The following RANGAP1 variants were observed in gnomAD, a reference collection of about 807,000 sequenced individuals.
RANGAP1 encodes Ran GTPase activating protein 1, also known as ran GTPase-activating protein 1.
RANGAP1 carries 38 observed loss-of-function variants against 63.5 expected under a neutral mutation model. The observed-to-expected ratio is 0.60, with a 90% confidence interval of 0.46 to 0.78. The LOEUF (loss-of-function observed/expected upper bound fraction) is 0.78. Ranked by LOEUF, RANGAP1 falls within the 30% of genes least tolerant of loss-of-function variation. RANGAP1 has a pLI of 0.00. For synonymous variants in RANGAP1, 329 were observed against 310.5 expected, an observed-to-expected ratio of 1.06 and a Z score of -0.63; for missense variants, 630 against 740.3, an observed-to-expected ratio of 0.85 and a Z score of 1.73.
upstream of RANGAP1, among the ~76,000 whole-genome samples, chr22:41,288,372 C>T (rs1254625750): frequency 4.6e-5 from 7 of 152,306 alleles, no homozygotes; most frequent in African/African-American, 1.4e-4. Context: ...CCAGAGCAGA[C>T]GCTGTATCCA....
chr22:41,300,681 G>C, the RANGAP1 span, among the ~76,000 whole-genome samples: 1 of 151,032 alleles, frequency 6.6e-6, no homozygotes, highest in Non-Finnish European at 1.5e-5. Flanking sequence ...ACGTTGGCTA[G>C]TCTGGTCTTG....
At position 41,257,659 on chromosome 22, in the gene RANGAP1, T is replaced by C. The variant is rs1456421612; in HGVS notation, c.774+289A>G. Among the ~76,000 whole-genome samples, 2 of 152,258 alleles carry C rather than the reference T, an allele frequency of 1.3e-5. No homozygotes were observed. The highest frequency in any genetic ancestry group is 2.4e-5 in the African/African-American group (1 of 41,472). On this transcript the variant is annotated intron_variant, in intron 7 of 15. Coordinates refer to ENST00000356244, the MANE Select transcript of RANGAP1 (RefSeq NM_002883.4). The surrounding 1 kb of genome is among the most constrained non-coding windows in gnomAD (Gnocchi z 4.0). ...AGGAAAACAGATGTGGGGAGCAGTC[T>C]GCTCCTGTGCAGCCTGAGAACAAAC... is the stretch of plus-strand genomic sequence containing the variant.
intron 1 of RANGAP1, chr22:41,285,393 C>T: frequency 6.3e-6 from 4 of 635,516 alleles, no homozygotes; most frequent in Non-Finnish European, 7.8e-6. Context: ...AGCACAGAAA[C>T]GTAAATTGAT....
upstream of RANGAP1, among the ~76,000 whole-genome samples, chr22:41,289,445 A>G (rs1054423438): frequency 3.3e-5 from 5 of 151,586 alleles, no homozygotes; most frequent in African/African-American, 4.8e-5. Context: ...AACATGGTGA[A>G]ACCCTGTCTC....
chr22:41,261,472 C>A lies in RANGAP1; in HGVS notation c.589G>T (p.Ala197Ser), dbSNP rs760500092. 1.2e-6 allele frequency: 2 copies of A among 1,614,256 alleles called. No homozygotes were observed. The highest frequency in any genetic ancestry group is 1.1e-5 in the South Asian group (1 of 91,086). The part of the protein sequence containing the change: ...AGRNRLENDG[A>S]TALAEAFRVI... ...CTAAAAGCTTCTGCCAAGGCAGTGG[C>A]GCCATCATTCTCCAGACGGTTTCTG... is the stretch of plus-strand genomic sequence containing the variant. The change falls in exon 6 of 16, where the codon GCC becomes TCC. Residue 197 changes from alanine to serine, a missense_variant. Ala to Ser is a moderately conservative substitution (Grantham distance 99). Coordinates refer to ENST00000356244, the MANE Select transcript of RANGAP1 (RefSeq NM_002883.4).
intron 6 of RANGAP1, among the ~76,000 whole-genome samples, chr22:41,258,981 T>C (rs974833514): frequency 6.6e-6 from 1 of 152,108 alleles, no homozygotes; most frequent in Non-Finnish European, 1.5e-5. Flanking sequence ...ACAGGCTAAC[T>C]CATATGAGTT....
the RANGAP1 span, among the ~76,000 whole-genome samples, chr22:41,295,091 C>T: frequency 1.3e-3 from 189 of 146,216 alleles, 1 homozygote; most frequent in African/African-American, 4.8e-3. Context: ...GTCAGCCCCC[C>T]GCCCGGCCAG....
intron 6 of RANGAP1, among the ~76,000 whole-genome samples, chr22:41,258,861 G>T (rs779384699): frequency 1.3e-5 from 2 of 152,094 alleles, no homozygotes; most frequent in Non-Finnish European, 2.9e-5. Context: ...CACCATGTTG[G>T]CCAGGCTGGT....
In RANGAP1 at chr22:41,256,797, C is replaced by G. The variant is rs1347843784; in HGVS notation, c.802G>C (p.Val268Leu). 3.1e-6 allele frequency: 5 copies of G among 1,614,046 alleles called. No homozygotes were observed. The highest frequency in any genetic ancestry group is 4.2e-6 in the Non-Finnish European group (5 of 1,180,004). Residue 268 changes from valine to leucine, a missense_variant, in exon 8 of 16, where the codon GTG becomes CTG. Physicochemically the swap from Val to Leu is conservative, Grantham distance 32. Coordinates refer to ENST00000356244, the MANE Select transcript of RANGAP1 (RefSeq NM_002883.4). Reference protein sequence around the residue: ...ETLKTLRQVEVINFGDCLVRS... With the variant: ...ETLKTLRQVELINFGDCLVRS... The stretch of plus-strand genomic sequence containing the variant: ...ACCAGGCAGTCCCCAAAATTAATCA[C>G]CTCCACCTGCCGCAAGGTCTTCAAG...
chr22:41,250,870 A>G (rs572794571), intron 13 of RANGAP1, 137 bp downstream of exon 13: 6 of 666,222 alleles, frequency 9.0e-6, no homozygotes, highest in African/African-American at 9.0e-5. Flanking sequence ...ACCCTGACGG[A>G]GGAAAAACTC....
chr22:41,274,730 G>A lies in RANGAP1; in HGVS notation c.113-3C>T, dbSNP rs2035037449. 1 of 1,613,738 alleles carries A rather than the reference G, an allele frequency of 6.2e-7. No individual in the cohort carries two copies. Among genetic ancestry groups the A allele is most frequent in the African/African-American group, 1.3e-5 (1 of 74,900 alleles). On this transcript the variant is annotated splice_region_variant and splice_polypyrimidine_tract_variant and intron_variant, in intron 2 of 15. Transcript: ENST00000356244. ...AATCTCTTTAATCACATCTTTAGCTGCCAGGGACCAAAGAGCAGAACCTTA... is the reference window on the plus strand; with the variant it reads ...AATCTCTTTAATCACATCTTTAGCTACCAGGGACCAAAGAGCAGAACCTTA...
Position 41,264,766 on chromosome 22 carries a change from G to T in RANGAP1, c.378C>A (p.Pro126=). 2 of 1,614,088 alleles carry T rather than the reference G, an allele frequency of 1.2e-6. No individual in the cohort carries two copies. Among genetic ancestry groups the T allele is most frequent in the Non-Finnish European group, 8.5e-7 (1 of 1,179,934 alleles). ...GGGCCTCGAAGCCTTGCACACCGTC[G>T]GGCCCGAATGCGTTGTCGCTTAAGT... The part of the protein sequence containing the change: ...ELDLSDNAFG[P]DGVQGFEALL... The change falls in exon 5 of 16, where the codon CCC becomes CCA. Residue 126 remains proline (P), a synonymous_variant. Coordinates refer to ENST00000356244, the MANE Select transcript of RANGAP1 (RefSeq NM_002883.4).
intron 4 of RANGAP1, among the ~76,000 whole-genome samples, chr22:41,265,354 A>C (rs1278242997): frequency 4.6e-5 from 7 of 152,170 alleles, no homozygotes; most frequent in Non-Finnish European, 1.0e-4. Flanking sequence ...ATATGGAATT[A>C]ATATCCCCAG....
chr22:41,258,254 C>T (rs2033963185), intron 6 of RANGAP1, 148 bp from the exon 7 acceptor site: 2 of 843,814 alleles, frequency 2.4e-6, no homozygotes, highest in Middle Eastern at 2.8e-4. Context: ...GGCATGGCTG[C>T]ATCTAACTCT....
At position 41,272,658 on chromosome 22, in the gene RANGAP1, C is replaced by T. The variant is rs1025647511; in HGVS notation, c.240+1942G>A. 5.3e-5 allele frequency among the ~76,000 whole-genome samples: 8 copies of T among 152,034 alleles called. 1 individual carries two copies. Among genetic ancestry groups the T allele is most frequent in the Admixed American group, 2.6e-4 (4 of 15,266 alleles). On this transcript the variant is annotated intron_variant, in intron 3 of 15. Coordinates refer to ENST00000356244, the MANE Select transcript of RANGAP1 (RefSeq NM_002883.4). ...GCCTCAGCCTCCTGAGTAGCTGGGA[C>T]TACAGGCACACGCCACCACACCCAG...
intron 1 of RANGAP1, among the ~76,000 whole-genome samples, chr22:41,284,488 A>G (rs574336631): frequency 6.6e-6 from 1 of 152,056 alleles, no homozygotes; most frequent in Non-Finnish European, 1.5e-5. Context: ...AATCGCTTGA[A>G]TCTGGGAGGC....
At chr22:41,286,395 C>T (rs2035750961), upstream of RANGAP1, 2 of 152,446 alleles carry the variant, frequency 1.3e-5, no homozygotes, top group African/African-American at 4.8e-5. Flanking sequence ...CTCCACCGCC[C>T]TCCTCTTCGC....
chr22:41,300,483 T>C, the RANGAP1 span, among the ~76,000 whole-genome samples: 7 of 25,232 alleles, frequency 2.8e-4, no homozygotes, highest in South Asian at 1.3e-3. Flanking sequence ...CACACACATA[T>C]ATTTCTGGAG....
the RANGAP1 span, among the ~76,000 whole-genome samples, chr22:41,294,199 GC>G: frequency 2.0e-5 from 3 of 152,234 alleles, no homozygotes; most frequent in Non-Finnish European, 4.4e-5. Flanking sequence ...TTGAAGGCGT[GC>G]GCCGCCACGC....
Sources: allele counts gnomAD v4.1 joint callset (sites outside exome capture counted in the v4.1 genomes callset), GRCh38; gene constraint gnomAD v4.1.1; non-coding constraint Gnocchi (gnomAD v3.1); transcripts MANE v1.5; gene names NCBI Gene and HGNC (gene_info 2026-07-23, HGNC 2026-07-21).